The following VSTM2B variants were observed in gnomAD, a reference collection of about 807,000 sequenced individuals.
VSTM2B encodes the protein V-set and transmembrane domain containing 2B.
Under a neutral mutation model 24.0 loss-of-function variants are expected in VSTM2B, and 24 were observed. The observed-to-expected ratio is 1.00, with a 90% CI of 0.72 to 1.40. The LOEUF (loss-of-function observed/expected upper bound fraction) is 1.40, where lower values mean the gene tolerates loss of function less well. VSTM2B is among the 40% of genes most tolerant of loss of function. The pLI is 0.00. For synonymous variants in VSTM2B, 226 were observed against 194.4 expected, an observed-to-expected ratio of 1.16 and a Z score of -1.35; for missense variants, 399 against 416.4, an observed-to-expected ratio of 0.96 and a Z score of 0.36.
At chr19:29,527,167 C>T in intron 1 of VSTM2B, 44 bp from the exon 2 acceptor site, 2 of 1,512,284 alleles carry the variant, frequency 1.3e-6, no homozygotes, top group Non-Finnish European at 1.8e-6. Flanking sequence ...CCCAGGCCCC[C>T]GACCTACAGC....
chr19:29,527,257 C>T lies in VSTM2B; in HGVS notation c.129C>T (p.Asp43=). 1 of 1,550,366 alleles carries T rather than the reference C, an allele frequency of 6.5e-7. No homozygotes were observed. Among genetic ancestry groups the T allele is most frequent in the African/African-American group, 1.4e-5 (1 of 73,132 alleles). Residue 43 remains aspartate, a synonymous_variant, in exon 2 of 5, where the codon GAC becomes GAT. Transcript: ENST00000335523. The part of the protein sequence containing the change: ...VPKDVTVREG[D]DIEMPCAFRA... ...AAGATGTGACAGTACGGGAGGGAGA[C>T]GACATCGAAATGCCCTGCGCGTTCC...
intron 4 of VSTM2B, among the ~76,000 whole-genome samples, chr19:29,561,488 G>A (rs1282333898): frequency 5.9e-5 from 9 of 152,016 alleles, no homozygotes; most frequent in Admixed American, 2.6e-4. Context: ...AGCTGGGCTT[G>A]GTGTGGGGTG....
intron 4 of VSTM2B, among the ~76,000 whole-genome samples, chr19:29,544,719 C>G (rs1315139270): frequency 1.3e-5 from 2 of 152,062 alleles, no homozygotes; most frequent in South Asian, 4.2e-4. Flanking sequence ...CTCTTGCAGC[C>G]CTGGGCTCCC....
At chr19:29,562,829 C>T (rs538010562) in intron 4 of VSTM2B, among the ~76,000 whole-genome samples, 3 of 152,064 alleles carry the variant, frequency 2.0e-5, no homozygotes, top group Non-Finnish European at 2.9e-5. Flanking sequence ...GGGACCAAGG[C>T]GAAGCAGGGT....
chr19:29,562,767 G>A (rs578097673), intron 4 of VSTM2B, among the ~76,000 whole-genome samples: 3 of 152,304 alleles, frequency 2.0e-5, no homozygotes, highest in Admixed American at 6.5e-5. Context: ...CCAGTTGCAC[G>A]GGAGGCCTTA....
At chr19:29,530,546 C>G (rs1453791299) in intron 4 of VSTM2B, among the ~76,000 whole-genome samples, 1 of 152,296 alleles carries the variant, frequency 6.6e-6, no homozygotes, top group East Asian at 1.9e-4. Flanking sequence ...CCAGCTACCT[C>G]AGGGTACGCT....
chr19:29,528,407 T>TCC, intron 2 of VSTM2B, 26 bp from the exon 3 acceptor site: 1 of 1,551,046 alleles, frequency 6.4e-7, no homozygotes, highest in Non-Finnish European at 8.7e-7. Context: ...GAGCCTCACG[T>TCC]CTCTCTCTCC....
rs1969689655 is a variant in VSTM2B at position 29,529,863 on chromosome 19, G to A, written c.342G>A (p.Leu114=). Residue 114 remains leucine (L), a synonymous_variant, in exon 4 of 5, where the codon CTG becomes CTA. Transcript: ENST00000335523. ...QGNDISHRLR[L]SAVRLQDEGV... is the part of the protein sequence containing the mutation. ...ATGACATCTCACACCGGCTTCGGCT[G>A]TCTGCCGTGCGGCTGCAGGACGAGG... 7 of 1,550,048 alleles carry A rather than the reference G, an allele frequency of 4.5e-6. No individual in the cohort carries two copies. The highest frequency in any genetic ancestry group is 6.1e-6 in the Non-Finnish European group (7 of 1,146,778).
intron 4 of VSTM2B, among the ~76,000 whole-genome samples, chr19:29,548,693 G>A (rs867361588): frequency 2.6e-5 from 4 of 152,188 alleles, no homozygotes; most frequent in Non-Finnish European, 5.9e-5. Flanking sequence ...TGCTCCCAGG[G>A]TGGGGCAGGC....
chr19:29,535,289 T>C (rs925446989), intron 4 of VSTM2B, among the ~76,000 whole-genome samples: 1 of 152,142 alleles, frequency 6.6e-6, no homozygotes, highest in African/African-American at 2.4e-5. Context: ...CACTTCTAAA[T>C]GGAAAAGGCA....
In VSTM2B at chr19:29,529,975, T is replaced by A. The variant is rs1298302921; in HGVS notation, c.454T>A (p.Phe152Ile). ...AQAMLRVLSR[F>I]APPNMQAAEA... ...GGCGATGCTGCGCGTGCTCTCGCGC[T>A]TCGCGCCGCCCAACATGCAGGCCGC... Residue 152 changes from phenylalanine (F) to isoleucine (I), a missense_variant, in exon 4 of 5, where the codon TTC becomes ATC. Physicochemically the swap from Phe to Ile is conservative, Grantham distance 21 (BLOSUM62 0). Coordinates refer to ENST00000335523, the MANE Select transcript of VSTM2B (RefSeq NM_001146339.2). 6.5e-7 allele frequency: 1 copy of A among 1,546,046 alleles called. No homozygotes were observed. The highest frequency in any genetic ancestry group is 1.2e-5 in the South Asian group (1 of 83,970).
At chr19:29,557,614 G>A (rs112416244) in intron 4 of VSTM2B, among the ~76,000 whole-genome samples, 32 of 151,842 alleles carry the variant, frequency 2.1e-4, no homozygotes, top group Admixed American at 1.6e-3. Flanking sequence ...CAGGAGAATT[G>A]CTTGAACCCG....
Position 29,527,204 on chromosome 19 carries a change from C to G in VSTM2B, c.83-7C>G. 1.3e-6 allele frequency: 2 copies of G among 1,546,900 alleles called. No homozygotes were observed. The highest frequency in any genetic ancestry group is 1.7e-6 in the Non-Finnish European group (2 of 1,145,050). ...GGTCACGCCTCTCTCTCTCTCCCCACCCCCAGCTGCATTCACAGAAGTCCC... is the reference window on the plus strand; with the variant it reads ...GGTCACGCCTCTCTCTCTCTCCCCAGCCCCAGCTGCATTCACAGAAGTCCC... On this transcript the variant is annotated splice_region_variant and splice_polypyrimidine_tract_variant and intron_variant, in intron 1 of 4. Transcript: ENST00000335523.
chr19:29,562,308 A>T (rs1026945618), intron 4 of VSTM2B, among the ~76,000 whole-genome samples: 1 of 152,166 alleles, frequency 6.6e-6, no homozygotes, highest in Non-Finnish European at 1.5e-5. Flanking sequence ...GATAGGAAGG[A>T]CTAAGTGTGC....
At chr19:29,548,144 C>A (rs925962278) in intron 4 of VSTM2B, among the ~76,000 whole-genome samples, 1 of 152,054 alleles carries the variant, frequency 6.6e-6, no homozygotes, top group African/African-American at 2.4e-5. Context: ...AGGCGGGGAA[C>A]AGGCAGTCCA....
chr19:29,554,718 G>C (rs569656758), intron 4 of VSTM2B, among the ~76,000 whole-genome samples: 27 of 152,142 alleles, frequency 1.8e-4, no homozygotes, highest in Non-Finnish European at 2.5e-4. Flanking sequence ...AAGGGATAGA[G>C]GAAAATTTAC....
intron 2 of VSTM2B, 34 bp from the exon 3 acceptor site, chr19:29,528,399 G>GC: frequency 1.9e-6 from 3 of 1,551,116 alleles, no homozygotes; most frequent in Non-Finnish European, 2.6e-6. Context: ...AAGGCCGCGA[G>GC]CCTCACGTCT....
chr19:29,533,422 T>C (rs1969808383), intron 4 of VSTM2B, among the ~76,000 whole-genome samples: 1 of 152,156 alleles, frequency 6.6e-6, no homozygotes, highest in South Asian at 2.1e-4. Flanking sequence ...CCAGGAACTG[T>C]GTAGACACAT....
Position 29,527,257 on chromosome 19 carries a change from C to A in VSTM2B, c.129C>A (p.Asp43Glu). ...VPKDVTVREG[D>E]DIEMPCAFRA... ...AAGATGTGACAGTACGGGAGGGAGA[C>A]GACATCGAAATGCCCTGCGCGTTCC... is the stretch of plus-strand genomic sequence containing the variant. Residue 43 changes from aspartate to glutamate, a missense_variant, in exon 2 of 5, where the codon GAC becomes GAA. Transcript: ENST00000335523. The A allele has an allele frequency of 1.3e-6, 2 of 1,550,366 alleles. No homozygotes were observed.
Sources: gnomAD v4.1 joint callset for allele counts (sites outside exome capture counted in the v4.1 genomes callset) on GRCh38, gnomAD v4.1.1 for gene constraint, MANE v1.5 for transcripts, NCBI Gene and HGNC (gene_info 2026-07-23, HGNC 2026-07-21) for gene names.